CARF: variants seen among roughly 807,000 people sequenced by gnomAD.
The protein encoded by CARF is calcium-responsive transcription factor.
Under a neutral mutation model 82.0 loss-of-function variants are expected in CARF, and 57 were observed. That is an observed-to-expected ratio of 0.70 (90% confidence interval 0.56 to 0.87). The LOEUF (loss-of-function observed/expected upper bound fraction) is 0.87. CARF is among the 40% of genes least tolerant of loss of function. The probability of loss-of-function intolerance (pLI) is 0.00; values close to 1 mark genes in which losing one functional copy is unlikely to be tolerated. For missense variants in CARF, 771 were observed against 855.8 expected, an observed-to-expected ratio of 0.90 and a Z score of 1.24; for synonymous variants, 268 against 290.1, an observed-to-expected ratio of 0.92 and a Z score of 0.77.
Position 202,953,808 on chromosome 2 carries a change from TATAAA to T in CARF, c.428-194_428-190del, listed in dbSNP as rs1369952613. On this transcript the variant is annotated intron_variant, in intron 6 of 16. Transcript: ENST00000438828. ...GCTGTTCAATATAAATTCTAAAAAT[TATAAA>T]ATTACAGTAGTCAGTATTATAATTT... Among the ~76,000 whole-genome samples, 4 of 152,280 alleles carry T rather than the reference TATAAA, an allele frequency of 2.6e-5. No individual in the cohort carries two copies. The East Asian group carries it at 7.7e-4, about 29-fold the overall frequency.
At chr2:202,930,906 G>A (rs571458656) in intron 3 of CARF, among the ~76,000 whole-genome samples, 146 of 150,252 alleles carry the variant, frequency 9.7e-4, no homozygotes, top group African/African-American at 2.9e-3. Flanking sequence ...CCTTTATGAT[G>A]ATCCACTTCC....
At chr2:202,960,661 C>G (rs1015296243) in intron 8 of CARF, among the ~76,000 whole-genome samples, 1 of 152,068 alleles carries the variant, frequency 6.6e-6, no homozygotes, top group African/African-American at 2.4e-5. Flanking sequence ...GCATGGCATC[C>G]TATCAAAATT....
chr2:202,940,222 C>G (rs2058164969), intron 3 of CARF, among the ~76,000 whole-genome samples: 1 of 151,738 alleles, frequency 6.6e-6, no homozygotes, highest in Non-Finnish European at 1.5e-5. Context: ...TTAGTAGAGA[C>G]AGGGTTTCAC....
chr2:202,915,835 C>G (rs1689532811), intron 1 of CARF, among the ~76,000 whole-genome samples: 1 of 151,244 alleles, frequency 6.6e-6, no homozygotes, highest in Non-Finnish European at 1.5e-5. Flanking sequence ...CCTCCCAACT[C>G]CTGACCTCAA....
At chr2:202,982,544 T>C (rs981770392) in intron 16 of CARF, 103 bp downstream of exon 16, 60 of 1,309,430 alleles carry the variant, frequency 4.6e-5, no homozygotes, top group African/African-American at 6.1e-5. Flanking sequence ...AGTGGGTCTA[T>C]GATATTATGT....
intron 3 of CARF, among the ~76,000 whole-genome samples, chr2:202,933,402 C>T (rs749971701): frequency 6.6e-6 from 1 of 152,162 alleles, no homozygotes; most frequent in Non-Finnish European, 1.5e-5. Context: ...TTTCTTCTCT[C>T]GGGGTAGCAC....
chr2:202,944,641 C>T (rs2058402378), intron 5 of CARF, among the ~76,000 whole-genome samples: 1 of 152,212 alleles, frequency 6.6e-6, no homozygotes, highest in Non-Finnish European at 1.5e-5. Context: ...CAGAACCATA[C>T]TGCATCACCG....
intron 10 of CARF, among the ~76,000 whole-genome samples, chr2:202,968,358 C>T (rs1022105243): frequency 9.2e-5 from 14 of 152,094 alleles, no homozygotes; most frequent in African/African-American, 2.4e-4. Flanking sequence ...GCCGAGACTG[C>T]GCCACTGCAC....
At chr2:202,951,800 A>G (rs2058765060) in intron 5 of CARF, among the ~76,000 whole-genome samples, 1 of 151,964 alleles carries the variant, frequency 6.6e-6, no homozygotes, top group Admixed American at 6.6e-5. Context: ...GAGATACCAA[A>G]ATAAATCCTA....
intron 2 of CARF, 102 bp downstream of exon 2, chr2:202,918,145 C>G: frequency 2.9e-6 from 1 of 340,748 alleles, no homozygotes; most frequent in Non-Finnish European, 5.7e-6. Flanking sequence ...TATATAGGTG[C>G]TTTGTTCTAT....
intron 12 of CARF, among the ~76,000 whole-genome samples, chr2:202,973,813 C>T (rs1434492306): frequency 2.0e-5 from 3 of 152,130 alleles, no homozygotes; most frequent in Non-Finnish European, 4.4e-5. Context: ...CTCAGCTGGG[C>T]GTGGTGGCTC....
At position 202,961,337 on chromosome 2, in the gene CARF, G is replaced by A. The variant is rs372949207; in HGVS notation, c.743G>A (p.Arg248His). The change falls in exon 9 of 17, where the codon CGT becomes CAT. Residue 248 changes from arginine to histidine, a missense_variant. Coordinates refer to ENST00000438828, the MANE Select transcript of CARF (RefSeq NM_024744.17). ...KQQTQSVWGT[R>H]QSPSPAKPAT... ...CAAACACAGAGTGTTTGGGGGACCC[G>A]TCAGTCTCCAAGCCCAGCCAAGCCT... 1.1e-5 allele frequency: 18 copies of A among 1,614,052 alleles called. No individual in the cohort carries two copies. The highest frequency in any genetic ancestry group is 1.5e-5 in the Non-Finnish European group (18 of 1,180,032).
chr2:202,914,760 A>G (rs1169827346), intron 1 of CARF, among the ~76,000 whole-genome samples: 1 of 149,324 alleles, frequency 6.7e-6, no homozygotes, highest in Non-Finnish European at 1.5e-5. Context: ...GCCTGGGCAA[A>G]AAGAGTGAAA....
intron 1 of CARF, among the ~76,000 whole-genome samples, chr2:202,914,194 A>G (rs576492405): frequency 4.3e-4 from 66 of 152,306 alleles, no homozygotes; most frequent in African/African-American, 1.4e-3. Flanking sequence ...TGTATTTACT[A>G]TATGGTCCTC....
intron 12 of CARF, among the ~76,000 whole-genome samples, chr2:202,972,736 C>T (rs1380445916): frequency 1.3e-5 from 2 of 149,202 alleles, no homozygotes; most frequent in Non-Finnish European, 3.0e-5. Context: ...CGCTATATAG[C>T]CTGTGCCTAT....
chr2:202,920,462 A>G (rs1234457224), intron 2 of CARF, among the ~76,000 whole-genome samples: 1 of 152,178 alleles, frequency 6.6e-6, no homozygotes, highest in African/African-American at 2.4e-5. Flanking sequence ...TCCTAAATTC[A>G]TAATCTTAAT....
intron 9 of CARF, among the ~76,000 whole-genome samples, chr2:202,963,784 C>G (rs1401127787): frequency 1.3e-5 from 2 of 152,052 alleles, no homozygotes; most frequent in South Asian, 2.1e-4. Flanking sequence ...CTTGCATGTG[C>G]AGTTCATAAT....
chr2:202,940,903 T>C (rs2058198169), intron 3 of CARF, among the ~76,000 whole-genome samples: 1 of 152,090 alleles, frequency 6.6e-6, no homozygotes, highest in Non-Finnish European at 1.5e-5. Flanking sequence ...AAAATAAAGA[T>C]TTTATTTTCG....
chr2:202,919,052 A>ATG (rs1690297731), intron 2 of CARF, among the ~76,000 whole-genome samples: 2 of 152,172 alleles, frequency 1.3e-5, no homozygotes, highest in Non-Finnish European at 2.9e-5. Flanking sequence ...TACTTACCTA[A>ATG]GCCAGTCATA....
Sources: allele counts gnomAD v4.1 joint callset (sites outside exome capture counted in the v4.1 genomes callset), GRCh38; gene constraint gnomAD v4.1.1; transcripts MANE v1.5; gene names NCBI Gene and HGNC (gene_info 2026-07-23, HGNC 2026-07-21).